ZNF117: variants seen among roughly 807,000 people sequenced by gnomAD.
ZNF117 encodes zinc finger protein 117.
ZNF117 carries 37 observed loss-of-function variants against 41.2 expected under a neutral mutation model. The ratio of observed to expected loss-of-function variants is 0.90; its 90% CI spans 0.69 to 1.18. ZNF117 has a LOEUF of 1.18. Ranked by LOEUF, ZNF117 falls within the 50% of genes most tolerant of loss-of-function variation. ZNF117 has a pLI of 0.00. For synonymous variants in ZNF117, 186 were observed against 186.6 expected (o/e 1.00, Z 0.02); for missense variants, 546 against 557.5 (o/e 0.98, Z 0.21).
chr7:64,975,925 G>A (rs893117732), exon 3 of ZNF117: 1 of 152,224 alleles, frequency 6.6e-6, no homozygotes, highest in African/African-American at 2.4e-5. Flanking sequence ...ATCCCCTGGT[G>A]TTTTCTAAGC....
intron 1 of ZNF117, among the ~76,000 whole-genome samples, chr7:64,988,634 C>T (rs907950837): frequency 2.0e-5 from 3 of 152,086 alleles, no homozygotes; most frequent in Non-Finnish European, 4.4e-5. Context: ...AAAAGGCATC[C>T]AAATAGGAAG....
chr7:64,979,492 T>A, exon 3 of ZNF117: 2 of 1,568,026 alleles, frequency 1.3e-6, no homozygotes, highest in Non-Finnish European at 1.7e-6. Flanking sequence ...GAATCTCTTA[T>A]GTTCTGCTCT....
chr7:64,975,110 TA>T (rs1245135570), exon 3 of ZNF117: 1 of 151,982 alleles, frequency 6.6e-6, no homozygotes, highest in Non-Finnish European at 1.5e-5. Flanking sequence ...ACTCTGTTAT[TA>T]AATAGTACAT....
exon 1 of ZNF117, chr7:64,990,126 A>G (rs1786231155): frequency 6.6e-6 from 1 of 152,202 alleles, no homozygotes; most frequent in South Asian, 2.1e-4. Context: ...AAAGTAAGCA[A>G]AAACATGAAC....
At chr7:64,979,662 T>G (rs1524821) in intron 2 of ZNF117, 126 bp from the exon 4 acceptor site, 650,440 of 661,166 alleles carry the variant, frequency 0.98, 320,764 homozygotes, top group East Asian at 1. Context: ...CCACAGGTTC[T>G]AATTCCTTCA....
chr7:64,978,383 T>G (rs1474151010), exon 3 of ZNF117: 2 of 1,613,602 alleles, frequency 1.2e-6, no homozygotes, highest in Admixed American at 3.3e-5. Context: ...GGTGGAAAAC[T>G]TTGCCAGATT....
exon 3 of ZNF117, chr7:64,979,084 T>C: frequency 6.2e-7 from 1 of 1,613,208 alleles, no homozygotes; most frequent in South Asian, 1.1e-5. Context: ...TTGTAAGGTT[T>C]TTCTCCAGTA....
chr7:64,982,222 G>A, upstream of ZNF117: 1 of 472,840 alleles, frequency 2.1e-6, no homozygotes. Flanking sequence ...AAAGAAAACT[G>A]GTTCTGACTT....
At chr7:64,981,862 A>C in intron 1 of ZNF117, 122 bp downstream of exon 2, 1 of 374,892 alleles carries the variant, frequency 2.7e-6, no homozygotes, top group Non-Finnish European at 4.9e-6. Flanking sequence ...CAAATCTAAA[A>C]GATTTTTTTG....
At chr7:64,976,672 T>C in exon 3 of ZNF117, 1 of 294,070 alleles carries the variant, frequency 3.4e-6, no homozygotes, top group Admixed American at 4.8e-5. Context: ...GTATAAATTA[T>C]CTTACCTACA....
In ZNF117 at chr7:64,977,658, T is replaced by C. The variant is rs962023668; in HGVS notation, c.*461A>G. On this transcript the variant is annotated 3_prime_UTR_variant, in exon 3 of 3. Coordinates refer to ENST00000620222, the Ensembl canonical transcript of ZNF117. ...ACATTCTTCACACTTGTAGGGTTTC[T>C]CTCCAGTATGAATTTTCTTATGTGT... 2.6e-5 allele frequency: 20 copies of C among 769,976 alleles called. No individual in the cohort carries two copies. The African/African-American group carries it at 3.3e-4, about 13-fold the overall frequency. The allele number at this position is 769,976 out of a possible 1,614,324, so 47.7% of individuals were successfully genotyped here. A position where few individuals can be genotyped will look rare whatever the true frequency, so the allele number is the denominator to read the frequency against.
At chr7:64,979,617 C>T in intron 2 of ZNF117, 81 bp from the exon 4 acceptor site, 2 of 1,117,348 alleles carry the variant, frequency 1.8e-6, no homozygotes, top group Non-Finnish European at 2.4e-6. Flanking sequence ...CATAAAGTTA[C>T]AGAAACTACA....
At chr7:64,977,525 T>A (rs1374614034) in exon 3 of ZNF117, 1 of 538,106 alleles carries the variant, frequency 1.9e-6, no homozygotes, top group Admixed American at 2.1e-5. Flanking sequence ...TAGTAAGAGT[T>A]GACACTTGGT....
rs188799529 is a variant in ZNF117 at position 64,982,034 on chromosome 7, T to C, written c.-113A>G. ...GTAGTTCTCTCACATCACATGCCTATATAAATTCTGCTGTGCAGTGTCCAG... is the reference window on the plus strand; with the variant it reads ...GTAGTTCTCTCACATCACATGCCTACATAAATTCTGCTGTGCAGTGTCCAG... On this transcript the variant is annotated 5_prime_UTR_variant, in exon 1 of 3. It adds an upstream start codon to the 5' untranslated region. Transcript: ENST00000620222. 7.6e-5 allele frequency: 65 copies of C among 851,582 alleles called. No homozygotes were observed. The highest frequency in any genetic ancestry group is 4.9e-4 in the East Asian group (19 of 39,084). The allele number at this position is 851,582 out of a possible 1,614,324, so 52.8% of individuals were successfully genotyped here. A position where few individuals can be genotyped will look rare whatever the true frequency, so the allele number is the denominator to read the frequency against.
At chr7:64,975,022 C>A (rs1252059410) in exon 3 of ZNF117, 1 of 151,636 alleles carries the variant, frequency 6.6e-6, no homozygotes, top group Non-Finnish European at 1.5e-5. Context: ...AAAAATTTAA[C>A]CTATGGGAAC....
exon 3 of ZNF117, chr7:64,978,153 T>C (rs979118765): frequency 4.3e-6 from 7 of 1,611,606 alleles, no homozygotes; most frequent in Non-Finnish European, 5.9e-6. Context: ...ATCACATTTG[T>C]ACTGTTTCTC....
rs796765288 is a variant in ZNF117 at position 64,989,162 on chromosome 7, CAT to C, written c.-196+783_-196+784del. 2.7e-5 allele frequency among the ~76,000 whole-genome samples: 4 copies of C among 147,006 alleles called. No homozygotes were observed. The East Asian group carries it at 6.4e-4, about 23-fold the overall frequency. On this transcript the variant is annotated intron_variant, in intron 1 of 3. Coordinates refer to the ZNF117 transcript ENST00000282869. ...GGCAATGTATACACACACACACACACATATATACACATATACACACACACACA... is the reference window on the plus strand; with the variant it reads ...GGCAATGTATACACACACACACACACATATACACATATACACACACACACA...
At chr7:64,979,332 A>G in exon 3 of ZNF117, 2 of 1,593,798 alleles carry the variant, frequency 1.3e-6, no homozygotes, top group Non-Finnish European at 1.7e-6. Context: ...ACATTGAAAT[A>G]TTTTGCTCAA....
upstream of ZNF117, among the ~76,000 whole-genome samples, chr7:64,985,443 TAAAAC>T (rs1477715541): frequency 6.6e-6 from 1 of 152,190 alleles, no homozygotes; most frequent in African/African-American, 2.4e-5. Context: ...TGTGTGCTCT[TAAAAC>T]AAACTTTAAT....
Sources: allele counts gnomAD v4.1 joint callset (sites outside exome capture counted in the v4.1 genomes callset), GRCh38; gene constraint gnomAD v4.1.1; transcripts MANE v1.5; gene names NCBI Gene and HGNC (gene_info 2026-07-23, HGNC 2026-07-21).